The following BRINP1 variants were observed in gnomAD, a reference collection of about 807,000 sequenced individuals.
BRINP1 encodes BMP/retinoic acid inducible neural specific 1, also known as BMP/retinoic acid-inducible neural-specific protein 1.
A neutral mutation model predicts 72.9 loss-of-function variants in BRINP1; 17 were observed. The ratio of observed to expected loss-of-function variants is 0.23; its 90% CI spans 0.16 to 0.35. The LOEUF is 0.35. BRINP1 is among the 10% of genes least tolerant of loss of function. The probability of loss-of-function intolerance (pLI) is 1.00; values close to 1 mark genes in which losing one functional copy is unlikely to be tolerated. For missense variants in BRINP1, 850 were observed against 1,001.6 expected, an observed-to-expected ratio of 0.85 and a Z score of 2.04; for synonymous variants, 418 against 378.5, an observed-to-expected ratio of 1.10 and a Z score of -1.21.
intron 2 of BRINP1, among the ~76,000 whole-genome samples, chr9:119,287,170 TA>T (rs1345639141): frequency 6.6e-6 from 1 of 152,240 alleles, no homozygotes; most frequent in African/African-American, 2.4e-5. Flanking sequence ...GCAGCACTTT[TA>T]TTTTAAATAA....
At chr9:119,174,647 G>T (rs62568655) in intron 7 of BRINP1, among the ~76,000 whole-genome samples, 28,577 of 148,078 alleles carry the variant, frequency 0.19, 3,262 homozygotes, top group Admixed American at 0.25. Context: ...AAATCATGCT[G>T]CTATAAAGAC....
intron 2 of BRINP1, chr9:119,283,235 G>GCAGCCC (rs56722261): frequency 1.1e-6 from 1 of 936,142 alleles, no homozygotes; most frequent in Non-Finnish European, 1.3e-6. Flanking sequence ...CCCTGGAACT[G>GCAGCCC]CAGCTTCAGC....
intron 7 of BRINP1, among the ~76,000 whole-genome samples, chr9:119,201,353 C>T (rs1183542074): frequency 1.3e-5 from 2 of 152,212 alleles, no homozygotes; most frequent in East Asian, 1.9e-4. Flanking sequence ...CTATTACTCT[C>T]ATTCTCTGTA....
chr9:119,315,091 C>T (rs1831111916), intron 1 of BRINP1, among the ~76,000 whole-genome samples: 1 of 152,156 alleles, frequency 6.6e-6, no homozygotes, highest in Admixed American at 6.6e-5. Context: ...CTCCTCTGAG[C>T]TATAGTTGCT....
intron 7 of BRINP1, among the ~76,000 whole-genome samples, chr9:119,199,180 T>C (rs573389475): frequency 6.6e-6 from 1 of 152,188 alleles, no homozygotes; most frequent in South Asian, 2.1e-4. Flanking sequence ...GGACTGTCAG[T>C]CTAATAAACT....
chr9:119,280,361 C>T (rs1020253724), intron 2 of BRINP1, among the ~76,000 whole-genome samples: 2 of 151,640 alleles, frequency 1.3e-5, no homozygotes, highest in Non-Finnish European at 2.9e-5. Flanking sequence ...GCCTCAGTCT[C>T]CCGAGTAGCT....
At chr9:119,323,098 G>C (rs1831206005) in intron 1 of BRINP1, among the ~76,000 whole-genome samples, 1 of 152,250 alleles carries the variant, frequency 6.6e-6, no homozygotes, top group South Asian at 2.1e-4. Context: ...AGTTTGAGTG[G>C]CCTCTGACAG....
rs548408947 is a variant in BRINP1, at chr9:119,296,391, G to A, written c.218+16747C>T. ...GTATTATAAAATTTTGAAAAATAAC[G>A]TGTTAGCAAGAATGTGGATGGGAAT... On this transcript the variant is annotated intron_variant, in intron 2 of 7. Coordinates refer to ENST00000265922, the MANE Select transcript of BRINP1 (RefSeq NM_014618.3). 5.9e-5 allele frequency among the ~76,000 whole-genome samples: 9 copies of A among 152,190 alleles called. No individual in the cohort carries two copies. The South Asian group carries it at 1.0e-3, about 18-fold the overall frequency.
chr9:119,184,821 G>A (rs904221064), intron 7 of BRINP1, among the ~76,000 whole-genome samples: 6 of 152,128 alleles, frequency 3.9e-5, no homozygotes, highest in African/African-American at 4.8e-5. Context: ...TGAGGAAGAA[G>A]CCTGCACACT....
chr9:119,299,043 A>C (rs1351510740), intron 2 of BRINP1, among the ~76,000 whole-genome samples: 2 of 152,142 alleles, frequency 1.3e-5, no homozygotes, highest in Non-Finnish European at 2.9e-5. Flanking sequence ...TAATATATGC[A>C]TTACCTCACA....
chr9:119,270,144 C>G (rs1207917741), intron 2 of BRINP1, among the ~76,000 whole-genome samples: 2 of 151,718 alleles, frequency 1.3e-5, no homozygotes, highest in African/African-American at 4.8e-5. Context: ...AGAGGAGACA[C>G]CAGGAAACCT....
At chr9:119,248,880 C>T in intron 3 of BRINP1, 80 bp downstream of exon 3, 2 of 1,250,896 alleles carry the variant, frequency 1.6e-6, no homozygotes, top group Non-Finnish European at 1.1e-6. Context: ...GAAGGCTTTG[C>T]TGTTAAGACA....
At chr9:119,171,583 A>G (rs2118822157) in intron 7 of BRINP1, among the ~76,000 whole-genome samples, 1 of 142,124 alleles carries the variant, frequency 7.0e-6, no homozygotes, top group East Asian at 2.1e-4. Flanking sequence ...CGAGACAGAA[A>G]GTCAACAAGG....
intron 7 of BRINP1, among the ~76,000 whole-genome samples, chr9:119,176,684 C>G (rs955373139): frequency 1.3e-5 from 2 of 152,044 alleles, no homozygotes. Context: ...AGAGCAATTA[C>G]GGAAAAGGTA....
intron 2 of BRINP1, among the ~76,000 whole-genome samples, chr9:119,285,902 C>G (rs970351126): frequency 6.6e-6 from 1 of 152,116 alleles, no homozygotes; most frequent in Non-Finnish European, 1.5e-5. Flanking sequence ...TGAGATCCAA[C>G]TTATACCAGG....
At chr9:119,234,566 ACTCTATGG>A (rs1830176396) in intron 5 of BRINP1, among the ~76,000 whole-genome samples, 1 of 152,012 alleles carries the variant, frequency 6.6e-6, no homozygotes, top group Non-Finnish European at 1.5e-5. Flanking sequence ...ATTTTCTTCC[ACTCTATGG>A]CTCATATTCT....
intron 1 of BRINP1, among the ~76,000 whole-genome samples, chr9:119,315,468 T>A (rs1372983327): frequency 6.6e-6 from 1 of 152,140 alleles, no homozygotes; most frequent in Non-Finnish European, 1.5e-5. Flanking sequence ...GTTTTCTGAC[T>A]GCTCCACTGA....
intron 2 of BRINP1, among the ~76,000 whole-genome samples, chr9:119,303,881 T>C (rs1196365305): frequency 2.6e-5 from 4 of 151,696 alleles, no homozygotes; most frequent in Admixed American, 6.6e-5. Context: ...TTTTCTTTTT[T>C]TTTTTTTTTT....
At chr9:119,350,858 G>A (rs1831500789) in intron 1 of BRINP1, among the ~76,000 whole-genome samples, 1 of 150,670 alleles carries the variant, frequency 6.6e-6, no homozygotes, top group South Asian at 2.1e-4. Context: ...AAACATAGTA[G>A]ATGTTCAACA....
Sources: gnomAD v4.1 joint callset for allele counts (sites outside exome capture counted in the v4.1 genomes callset) on GRCh38, gnomAD v4.1.1 for gene constraint, MANE v1.5 for transcripts, NCBI Gene and HGNC (gene_info 2026-07-23, HGNC 2026-07-21) for gene names.